ADRA1B: variants seen among roughly 807,000 people sequenced by gnomAD.
ADRA1B encodes alpha-1B adrenergic receptor.
A neutral mutation model predicts 17.9 loss-of-function variants in ADRA1B; 17 were observed. The ratio of observed to expected loss-of-function variants is 0.95; its 90% CI spans 0.65 to 1.42. The LOEUF (loss-of-function observed/expected upper bound fraction) is 1.42, where lower values mean the gene tolerates loss of function less well. ADRA1B is among the 40% of genes most tolerant of loss of function. The pLI, the probability that ADRA1B is intolerant of heterozygous loss-of-function variation, is 0.00. For missense variants in ADRA1B, 681 were observed against 722.1 expected (o/e 0.94, Z 0.65); for synonymous variants, 366 against 327.6 (o/e 1.12, Z -1.27).
the ADRA1B span, among the ~76,000 whole-genome samples, chr5:159,987,933 C>G: frequency 1.3e-5 from 2 of 152,268 alleles, no homozygotes; most frequent in Admixed American, 1.3e-4. Flanking sequence ...TGCCCCCCCT[C>G]GGCCGGCCGC....
chr5:159,901,057 A>G (rs1754095239), intron 1 of ADRA1B, among the ~76,000 whole-genome samples: 1 of 151,918 alleles, frequency 6.6e-6, no homozygotes, highest in Non-Finnish European at 1.5e-5. Context: ...TTATATATTC[A>G]TTATATTATG....
At chr5:159,958,217 A>C (rs1403617534) in intron 1 of ADRA1B, among the ~76,000 whole-genome samples, 3 of 152,144 alleles carry the variant, frequency 2.0e-5, no homozygotes, top group African/African-American at 7.2e-5. Context: ...GGATCTGTCT[A>C]AGTTTATTTT....
At chr5:159,898,134 A>T (rs1754057983) in intron 1 of ADRA1B, among the ~76,000 whole-genome samples, 1 of 152,194 alleles carries the variant, frequency 6.6e-6, no homozygotes, top group Non-Finnish European at 1.5e-5. Flanking sequence ...TCTGTTGATG[A>T]TTCCACTTAA....
Position 159,972,282 on chromosome 5 carries a change from C to A in ADRA1B, c.1353C>A (p.Gly451=). The A allele has an allele frequency of 7.3e-7, 1 of 1,372,688 alleles. No individual in the cohort carries two copies. Among genetic ancestry groups the A allele is most frequent in the South Asian group, 1.6e-5 (1 of 61,292 alleles). 85.0% of individuals were successfully genotyped at this position (1,372,688 alleles called of 1,614,324 possible). A position where few individuals can be genotyped will look rare whatever the true frequency, so the allele number is the denominator to read the frequency against. Residue 451 remains glycine (G), a synonymous_variant, in exon 2 of 2, where the codon GGC becomes GGA. Transcript: ENST00000306675. The stretch of plus-strand genomic sequence containing the variant: ...CCTTCCCCGAGTGGAAGGCGCCCGG[C>A]GCCCTCCTGAGCCTGCCCGCGCCTG... ...LCAFPEWKAP[G]ALLSLPAPEP... is the part of the protein sequence containing the mutation.
chr5:159,899,267 G>GAAGGAAGGAAGGAAGGAAGGAAGA (rs1561585246), intron 1 of ADRA1B, among the ~76,000 whole-genome samples: 19 of 95,940 alleles, frequency 2.0e-4, no homozygotes, highest in African/African-American at 6.4e-4. Context: ...AGGAAGAAAG[G>GAAGGAAGGAAGGAAGGAAGGAAGA]AAGGAAGGAA....
rs1755905934 is a variant in ADRA1B, at chr5:159,972,690, G to A, written c.*198G>A. 2 of 630,278 alleles carry A rather than the reference G, an allele frequency of 3.2e-6. No homozygotes were observed. Among genetic ancestry groups the A allele is most frequent in the Non-Finnish European group, 2.5e-6 (1 of 399,996 alleles). 39.0% of individuals were successfully genotyped at this position (630,278 alleles called of 1,614,324 possible). A position where few individuals can be genotyped will look rare whatever the true frequency, so the allele number is the denominator to read the frequency against. On this transcript the variant is annotated 3_prime_UTR_variant, in exon 2 of 2. Transcript: ENST00000306675. Reference sequence around the variant, plus strand: ...CAGGTACCACGCGGAAAGCCGGGCCGAGCATGCTGAGAGCCTGGGGGACCC... The same window carrying A: ...CAGGTACCACGCGGAAAGCCGGGCCAAGCATGCTGAGAGCCTGGGGGACCC...
At chr5:159,967,144 G>A (rs761565135) in intron 1 of ADRA1B, among the ~76,000 whole-genome samples, 51 of 151,980 alleles carry the variant, frequency 3.4e-4, no homozygotes, top group Admixed American at 9.8e-4. Context: ...TTTGTAATAC[G>A]TATTTTTTAA....
chr5:159,943,622 G>A (rs67909623), intron 1 of ADRA1B, among the ~76,000 whole-genome samples: 17,845 of 151,972 alleles, frequency 0.12, 1,322 homozygotes, highest in Non-Finnish European at 0.16. Context: ...TTTTATGCTT[G>A]CTGTAGGCTG....
chr5:159,878,187 G>A (rs73311414), intron 1 of ADRA1B, among the ~76,000 whole-genome samples: 13,259 of 152,218 alleles, frequency 0.087, 673 homozygotes, highest in African/African-American at 0.13. Context: ...TGAATCAGTC[G>A]GGTCCAGAGA....
rs1378411669 is a variant in ADRA1B at position 159,950,434 on chromosome 5, A to T, written c.950-21445A>T. The T allele has an allele frequency of 4.7e-6, 4 of 854,422 alleles. No homozygotes were observed. The Admixed American group carries it at 7.4e-5, about 16-fold the overall frequency. The allele number at this position is 854,422 out of a possible 1,614,324, so 52.9% of individuals were successfully genotyped here. A position where few individuals can be genotyped will look rare whatever the true frequency, so the allele number is the denominator to read the frequency against. ...GGACTGTGTGTGGCAGGGACTCCCC[A>T]TCAGTGAGGGCTTCTCGCTTCCTCT... On this transcript the variant is annotated intron_variant, in intron 1 of 1. Transcript: ENST00000306675.
intron 1 of ADRA1B, among the ~76,000 whole-genome samples, chr5:159,939,356 G>A (rs757056191): frequency 2.4e-4 from 36 of 147,534 alleles, no homozygotes; most frequent in South Asian, 4.4e-4. Context: ...ACTGAGGATA[G>A]TTCAGCCCAA....
chr5:159,890,305 G>A (rs2113102271), intron 1 of ADRA1B, among the ~76,000 whole-genome samples: 1 of 152,252 alleles, frequency 6.6e-6, no homozygotes, highest in South Asian at 2.1e-4. Context: ...TCCAATAGCA[G>A]CCAAGAATTT....
At chr5:159,960,057 G>T (rs373307773) in intron 1 of ADRA1B, among the ~76,000 whole-genome samples, 2 of 152,148 alleles carry the variant, frequency 1.3e-5, no homozygotes, top group African/African-American at 2.4e-5. Context: ...GTTACACGAG[G>T]CACCCTCATG....
chr5:159,939,252 G>GGAGAGAGAGAGAGA (rs67704328), intron 1 of ADRA1B, among the ~76,000 whole-genome samples: 2 of 99,762 alleles, frequency 2.0e-5, no homozygotes, highest in African/African-American at 3.9e-5. Flanking sequence ...TTTCTTTGAA[G>GGAGAGAGAGAGAGA]GAGAGAGAGA....
chr5:159,881,180 C>CA (rs35928792), intron 1 of ADRA1B, among the ~76,000 whole-genome samples: 15,358 of 56,604 alleles, frequency 0.27, 3,443 homozygotes, highest in Non-Finnish European at 0.32. Context: ...GACTCCGTCT[C>CA]AAAAAAAAAA....
At position 159,927,474 on chromosome 5, in the gene ADRA1B, T is replaced by C. The variant is rs529414461; in HGVS notation, c.949+9620T>C. On this transcript the variant is annotated intron_variant, in intron 1 of 1. Transcript: ENST00000306675. The stretch of plus-strand genomic sequence containing the variant: ...GCCAACAATATTCTGATTCTTTCCA[T>C]GGAGGTAACTTTGATTTCTTTAATA... Among the ~76,000 whole-genome samples the C allele has an allele frequency of 2.0e-3, 303 of 151,702 alleles. 1 individual carries two copies. The highest frequency in any genetic ancestry group is 1.4e-3 in the Non-Finnish European group (92 of 67,950).
intron 1 of ADRA1B, among the ~76,000 whole-genome samples, chr5:159,918,861 T>A (rs1414984675): frequency 6.6e-6 from 1 of 152,182 alleles, no homozygotes; most frequent in Non-Finnish European, 1.5e-5. Context: ...TTCCTTCTCC[T>A]ATCCCTGGGG....
chr5:159,988,444 T>C, the ADRA1B span, among the ~76,000 whole-genome samples: 1 of 152,230 alleles, frequency 6.6e-6, no homozygotes, highest in African/African-American at 2.4e-5. Flanking sequence ...TTTAGGAAGC[T>C]AATATGCATC....
intron 1 of ADRA1B, among the ~76,000 whole-genome samples, chr5:159,866,340 C>T (rs576464254): frequency 1.3e-5 from 2 of 150,502 alleles, no homozygotes; most frequent in South Asian, 4.2e-4. Context: ...TGGCTCACAC[C>T]TGTAATGAGG....
Sources: gnomAD v4.1 joint callset for allele counts (sites outside exome capture counted in the v4.1 genomes callset) on GRCh38, gnomAD v4.1.1 for gene constraint, MANE v1.5 for transcripts, NCBI Gene and HGNC (gene_info 2026-07-23, HGNC 2026-07-21) for gene names.